DOT1L: variants seen among roughly 807,000 people sequenced by gnomAD.
DOT1L encodes the protein histone-lysine N-methyltransferase, H3 lysine-79 specific.
Under a neutral mutation model 153.3 loss-of-function variants are expected in DOT1L, and 33 were observed. The ratio of observed to expected loss-of-function variants is 0.22; its 90% CI spans 0.16 to 0.29. DOT1L has a LOEUF of 0.29. Ranked by LOEUF, DOT1L falls within the 10% of genes least tolerant of loss-of-function variation. The pLI is 1.00. For synonymous variants in DOT1L, 1,135 were observed against 965.1 expected (o/e 1.18, Z -3.26); for missense variants, 1,847 against 2,119.9 (o/e 0.87, Z 2.53).
chr19:2,174,070 A>G (rs753623716), intron 1 of DOT1L, among the ~76,000 whole-genome samples: 19 of 152,056 alleles, frequency 1.2e-4, no homozygotes, highest in Admixed American at 1.2e-3. Context: ...CGATCCTTCC[A>G]CCTCAGCCTC....
At chr19:2,182,463 A>C (rs1292139332) in intron 2 of DOT1L, among the ~76,000 whole-genome samples, 1 of 152,036 alleles carries the variant, frequency 6.6e-6, no homozygotes, top group Non-Finnish European at 1.5e-5. Flanking sequence ...ATCACTTGAG[A>C]CCAGTGGCGC....
At position 2,222,325 on chromosome 19, in the gene DOT1L, T is replaced by G. The variant is rs764620644; in HGVS notation, c.3156T>G (p.Gly1052=). 6.2e-7 allele frequency: 1 copy of G among 1,612,798 alleles called. No homozygotes were observed. The highest frequency in any genetic ancestry group is 8.5e-7 in the Non-Finnish European group (1 of 1,179,896). The change falls in exon 24 of 28, where the codon GGT becomes GGG. Residue 1052 remains glycine (G), a synonymous_variant. Transcript: ENST00000398665. The surrounding 1 kb of genome is among the most constrained non-coding windows in gnomAD (Gnocchi z 6.5). The part of the protein sequence containing the change: ...KRRIVFTITT[G]AGSAKQSPSS... ...GGATTGTGTTCACCATCACCACTGGTGCGGGCAGTGCCAAGCAGTCGCCCT... is the reference window on the plus strand; with the variant it reads ...GGATTGTGTTCACCATCACCACTGGGGCGGGCAGTGCCAAGCAGTCGCCCT...
chr19:2,173,995 C>T (rs989525270), intron 1 of DOT1L, among the ~76,000 whole-genome samples: 11 of 152,182 alleles, frequency 7.2e-5, no homozygotes, highest in South Asian at 2.1e-4. Context: ...CTCTGTCACC[C>T]GGGCTGGAGT....
At chr19:2,202,654 C>T (rs761826161) in intron 8 of DOT1L, 46 bp from the exon 9 acceptor site, 34 of 1,588,618 alleles carry the variant, frequency 2.1e-5, no homozygotes, top group South Asian at 6.6e-5. Flanking sequence ...TGGCTGTGCC[C>T]GTGAGACGAG....
chr19:2,227,208 C>T (rs763527780), intron 27 of DOT1L, 81 bp downstream of exon 27: 14 of 1,539,758 alleles, frequency 9.1e-6, no homozygotes, highest in East Asian at 4.5e-5. Flanking sequence ...CTTCCGCACT[C>T]TCTTGCAGCA....
chr19:2,182,641 G>A (rs962587047), intron 2 of DOT1L, among the ~76,000 whole-genome samples: 2 of 152,052 alleles, frequency 1.3e-5, no homozygotes, highest in African/African-American at 4.8e-5. Context: ...GGATCTCGGT[G>A]CAGCAGGGGT....
chr19:2,184,602 A>T (rs760422483), intron 2 of DOT1L, among the ~76,000 whole-genome samples: 1 of 152,144 alleles, frequency 6.6e-6, no homozygotes, highest in Non-Finnish European at 1.5e-5. Flanking sequence ...TGGCTGCGGA[A>T]GGTGGGCCTG....
intron 3 of DOT1L, among the ~76,000 whole-genome samples, 190 bp from the exon 4 acceptor site, chr19:2,189,542 G>A (rs552619388): frequency 1.3e-3 from 205 of 152,354 alleles, no homozygotes; most frequent in Non-Finnish European, 2.2e-3. Flanking sequence ...CCTCGCTTGT[G>A]TGTCAAACCT....
intron 1 of DOT1L, among the ~76,000 whole-genome samples, chr19:2,172,342 G>T (rs1282938597): frequency 2.1e-5 from 3 of 145,384 alleles, no homozygotes; most frequent in Admixed American, 2.0e-4. Flanking sequence ...GGCGCCCGCC[G>T]CCACGCCCAG....
At chr19:2,192,398 T>C (rs530075515) in intron 5 of DOT1L, among the ~76,000 whole-genome samples, 1 of 152,334 alleles carries the variant, frequency 6.6e-6, no homozygotes, top group African/African-American at 2.4e-5. Flanking sequence ...CTGGACGTGG[T>C]GGCTCACGCC....
chr19:2,203,576 C>T (rs2023379525), intron 9 of DOT1L, among the ~76,000 whole-genome samples: 1 of 152,224 alleles, frequency 6.6e-6, no homozygotes, highest in African/African-American at 2.4e-5. Context: ...CAGGCCCATG[C>T]AGGGCCCTTC....
chr19:2,188,064 G>A (rs2022618358), intron 3 of DOT1L: 1 of 152,194 alleles, frequency 6.6e-6, no homozygotes, highest in South Asian at 2.1e-4. Flanking sequence ...TGCACCACCT[G>A]GGCTCCTTCC....
chr19:2,227,842 AGGC>A, intron 27 of DOT1L: 1 of 1,289,716 alleles, frequency 7.8e-7, no homozygotes, highest in Non-Finnish European at 1.0e-6. Context: ...AGCCCGCTGC[AGGC>A]GGCGGCCAGC....
At chr19:2,165,862 G>T (rs901332927) in intron 1 of DOT1L, among the ~76,000 whole-genome samples, 1 of 151,136 alleles carries the variant, frequency 6.6e-6, no homozygotes, top group Non-Finnish European at 1.5e-5. Context: ...TCCGCCTCCC[G>T]GGTTCACGCC....
At chr19:2,188,779 A>G (rs1175724828) in intron 3 of DOT1L, among the ~76,000 whole-genome samples, 1 of 152,172 alleles carries the variant, frequency 6.6e-6, no homozygotes, top group Non-Finnish European at 1.5e-5. Context: ...ACAGACTTGG[A>G]AGATGAGCAA....
chr19:2,225,549 G>T, intron 26 of DOT1L, 97 bp downstream of exon 26: 2 of 1,300,564 alleles, frequency 1.5e-6, no homozygotes, highest in Non-Finnish European at 2.2e-6. Context: ...GCTGCATCGT[G>T]TCCCGCATGG....
intron 16 of DOT1L, 62 bp downstream of exon 16, chr19:2,211,904 G>A: frequency 6.8e-7 from 1 of 1,469,062 alleles, no homozygotes; most frequent in Non-Finnish European, 9.2e-7. Context: ...TCCTGTTCCT[G>A]GGCATCTGTC....
chr19:2,223,988 G>T (rs1163467492), intron 25 of DOT1L, among the ~76,000 whole-genome samples: 1 of 151,952 alleles, frequency 6.6e-6, no homozygotes, highest in Non-Finnish European at 1.5e-5. Flanking sequence ...CCTCCCAAGA[G>T]CCCCTGGCAC....
At chr19:2,169,858 A>T (rs1380681369) in intron 1 of DOT1L, among the ~76,000 whole-genome samples, 1 of 152,068 alleles carries the variant, frequency 6.6e-6, no homozygotes, top group African/African-American at 2.4e-5. Flanking sequence ...AAGTTTAATT[A>T]AAAAAAACAC....
Sources: gnomAD v4.1 joint callset for allele counts (sites outside exome capture counted in the v4.1 genomes callset) on GRCh38, gnomAD v4.1.1 for gene constraint, Gnocchi (gnomAD v3.1) non-coding constraint, MANE v1.5 for transcripts, NCBI Gene and HGNC (gene_info 2026-07-23, HGNC 2026-07-21) for gene names.